Variants in MEOX2 observed in about 807,000 individuals in gnomAD.
MEOX2 encodes homeobox protein MOX-2.
MEOX2 carries 11 observed loss-of-function variants against 27.0 expected under a neutral mutation model. That is an observed-to-expected ratio of 0.41 (90% CI 0.26 to 0.68). The LOEUF (loss-of-function observed/expected upper bound fraction) is 0.68. Among genes scored for constraint, MEOX2 ranks in the 30% least tolerant of loss-of-function variants. MEOX2 has a pLI of 0.33. For synonymous variants in MEOX2, 189 were observed against 155.4 expected, an observed-to-expected ratio of 1.22 and a Z score of -1.61; for missense variants, 436 against 385.4, an observed-to-expected ratio of 1.13 and a Z score of -1.10.
chr7:15,682,551 T>A lies in MEOX2; in HGVS notation c.517+3335A>T, dbSNP rs561500222. 3.3e-5 allele frequency among the ~76,000 whole-genome samples: 5 copies of A among 152,058 alleles called. No homozygotes were observed. The South Asian group carries it at 1.0e-3, about 32-fold the overall frequency. ...CCCAAATCGCTCTTTTCTTTTTTGA[T>A]GTAATTTCTATTTTTTATAAAATAT... is the stretch of plus-strand genomic sequence containing the variant. On this transcript the variant is annotated intron_variant, in intron 1 of 2. Transcript: ENST00000262041.
Position 15,666,780 on chromosome 7 carries a change from ATAT to A in MEOX2, c.517+19103_517+19105del, listed in dbSNP as rs1182468390. 6.3e-3 allele frequency among the ~76,000 whole-genome samples: 136 copies of A among 21,748 alleles called. 3 individuals are homozygous for A. Among genetic ancestry groups the A allele is most frequent in the African/African-American group, 0.02 (129 of 6,358 alleles). 14.3% of individuals were successfully genotyped at this position (21,748 alleles called of 152,430 possible). Reference sequence around the variant, plus strand: ...AAAAAAAAAAAAAAAAAAAAAAAAAATATATATATATATATATATATATATATT... The same window carrying A: ...AAAAAAAAAAAAAAAAAAAAAAAAAAATATATATATATATATATATATATT... On this transcript the variant is annotated intron_variant, in intron 1 of 2. Coordinates refer to ENST00000262041, the MANE Select transcript of MEOX2 (RefSeq NM_005924.5).
At chr7:15,656,985 T>A (rs190395081) in intron 1 of MEOX2, among the ~76,000 whole-genome samples, 1 of 152,232 alleles carries the variant, frequency 6.6e-6, no homozygotes, top group Non-Finnish European at 1.5e-5. Context: ...TGACTGTTCT[T>A]TTCTTTCTGC....
rs1394715142 is a variant in MEOX2, at chr7:15,611,641, C to G, written c.*746G>C. ...CATAAGATTTGTTTTGTCTGTGGTACAAGAATATGTCCTATCAGACTCTAC... is the reference window on the plus strand; with the variant it reads ...CATAAGATTTGTTTTGTCTGTGGTAGAAGAATATGTCCTATCAGACTCTAC... On this transcript the variant is annotated 3_prime_UTR_variant, in exon 3 of 3. Transcript: ENST00000262041. 6.6e-6 allele frequency: 1 copy of G among 152,494 alleles called. No homozygotes were observed. The highest frequency in any genetic ancestry group is 1.5e-5 in the Non-Finnish European group (1 of 68,002). 9.4% of individuals were successfully genotyped at this position (152,494 alleles called of 1,614,324 possible).
At chr7:15,655,732 A>G (rs1781809280) in intron 1 of MEOX2, among the ~76,000 whole-genome samples, 1 of 151,804 alleles carries the variant, frequency 6.6e-6, no homozygotes, top group Non-Finnish European at 1.5e-5. Context: ...GTAAGATTCC[A>G]ATTCTTTTAA....
intron 1 of MEOX2, among the ~76,000 whole-genome samples, chr7:15,683,700 A>G (rs1782328971): frequency 6.6e-6 from 1 of 152,184 alleles, no homozygotes; most frequent in Non-Finnish European, 1.5e-5. Flanking sequence ...TTTATTTTCA[A>G]TAAGTGTACA....
intron 1 of MEOX2, among the ~76,000 whole-genome samples, chr7:15,634,705 G>A (rs560321774): frequency 1.3e-5 from 2 of 151,986 alleles, no homozygotes; most frequent in South Asian, 2.1e-4. Context: ...TAAGTTGCAC[G>A]CATTATTTAT....
At chr7:15,681,421 T>A (rs1232518966) in intron 1 of MEOX2, 1 of 151,704 alleles carries the variant, frequency 6.6e-6, no homozygotes, top group Non-Finnish European at 1.5e-5. Flanking sequence ...TTATATATGG[T>A]GATGTTTTAC....
chr7:15,686,243 G>C lies in MEOX2; in HGVS notation c.160C>G (p.Pro54Ala). Residue 54 changes from proline (P) to alanine (A), a missense_variant, in exon 1 of 3, where the codon CCC (proline) becomes GCC (alanine). By Grantham distance (27) the Pro-to-Ala change is conservative. Coordinates refer to ENST00000262041, the MANE Select transcript of MEOX2 (RefSeq NM_005924.5). ...CTGGCAAACATGCCCTCTTCGTTGG[G>C]GTATCCCGCGATTATGCAAGATGAG... ...SSSSCIIAGY[P>A]NEEGMFASQH... is the part of the protein sequence containing the mutation. The C allele has an allele frequency of 6.2e-7, 1 of 1,612,712 alleles. No individual in the cohort carries two copies.
At chr7:15,663,276 A>G (rs73288139) in intron 1 of MEOX2, among the ~76,000 whole-genome samples, 73 of 152,306 alleles carry the variant, frequency 4.8e-4, no homozygotes, top group African/African-American at 1.7e-3. Context: ...AAAAAGATGT[A>G]AGAACTCATC....
intron 1 of MEOX2, among the ~76,000 whole-genome samples, chr7:15,664,847 C>T (rs1001207152): frequency 1.3e-5 from 2 of 152,148 alleles, no homozygotes; most frequent in African/African-American, 2.4e-5. Flanking sequence ...GACTTTCTAG[C>T]AGGTGTGAAG....
chr7:15,673,720 T>A (rs1328314308), intron 1 of MEOX2, among the ~76,000 whole-genome samples: 3 of 151,810 alleles, frequency 2.0e-5, no homozygotes, highest in Non-Finnish European at 4.4e-5. Context: ...CAGAAATCCA[T>A]TAAAATATAG....
chr7:15,624,706 A>G (rs1781271567), intron 2 of MEOX2, among the ~76,000 whole-genome samples: 1 of 152,148 alleles, frequency 6.6e-6, no homozygotes, highest in Admixed American at 6.6e-5. Flanking sequence ...TGTCCAACTA[A>G]GCCCAGTCAA....
chr7:15,678,374 CTGT>C (rs147488219), intron 1 of MEOX2, among the ~76,000 whole-genome samples: 2,893 of 152,220 alleles, frequency 0.019, 99 homozygotes, highest in African/African-American at 0.067. Context: ...TGCTAAATTG[CTGT>C]TGTTCTACAA....
intron 1 of MEOX2, among the ~76,000 whole-genome samples, chr7:15,659,908 G>C (rs147531448): frequency 6.0e-4 from 91 of 152,068 alleles, no homozygotes; most frequent in African/African-American, 1.9e-3. Flanking sequence ...CTCTGTACCA[G>C]TCATTGTCTT....
At chr7:15,658,816 G>A (rs979938622) in intron 1 of MEOX2, among the ~76,000 whole-genome samples, 36 of 152,270 alleles carry the variant, frequency 2.4e-4, no homozygotes, top group African/African-American at 8.7e-4. Flanking sequence ...CACTGAATCT[G>A]CCACCCTGAA....
At chr7:15,659,026 G>T (rs1278426588) in intron 1 of MEOX2, among the ~76,000 whole-genome samples, 1 of 152,068 alleles carries the variant, frequency 6.6e-6, no homozygotes, top group Non-Finnish European at 1.5e-5. Context: ...GTAAGACAGG[G>T]TCTCTCTCTG....
chr7:15,651,977 T>A (rs952998000), intron 1 of MEOX2, among the ~76,000 whole-genome samples: 1 of 152,022 alleles, frequency 6.6e-6, no homozygotes, highest in Admixed American at 6.6e-5. Context: ...AGGAATGATC[T>A]AGAACCATTC....
At chr7:15,667,958 A>G (rs1386718810) in intron 1 of MEOX2, 2 of 152,234 alleles carry the variant, frequency 1.3e-5, no homozygotes, top group African/African-American at 4.8e-5. Flanking sequence ...GGACACAGTT[A>G]AACAACAGAT....
intron 2 of MEOX2, among the ~76,000 whole-genome samples, chr7:15,618,161 A>G (rs1320426855): frequency 6.6e-6 from 1 of 152,020 alleles, no homozygotes; most frequent in East Asian, 1.9e-4. Flanking sequence ...TATACCTGGT[A>G]AAATTCAACT....
Sources: allele counts gnomAD v4.1 joint callset (sites outside exome capture counted in the v4.1 genomes callset), GRCh38; gene constraint gnomAD v4.1.1; transcripts MANE v1.5; gene names NCBI Gene and HGNC (gene_info 2026-07-23, HGNC 2026-07-21).